Variants in SPART observed in about 807,000 individuals in gnomAD.
The protein encoded by SPART is spartin.
SPART carries 35 observed loss-of-function variants against 58.7 expected under a neutral mutation model. The observed-to-expected ratio is 0.60, with a 90% CI of 0.46 to 0.79. The LOEUF is 0.79. SPART is among the 30% of genes least tolerant of loss of function. The probability of loss-of-function intolerance (pLI) is 0.00; values close to 1 mark genes in which losing one functional copy is unlikely to be tolerated. For missense variants in SPART, 730 were observed against 786.1 expected (o/e 0.93, Z 0.85); for synonymous variants, 284 against 280.7 (o/e 1.01, Z -0.12).
chr13:36,358,289 G>C (rs1885699936), intron 1 of SPART, among the ~76,000 whole-genome samples: 1 of 151,928 alleles, frequency 6.6e-6, no homozygotes, highest in East Asian at 1.9e-4. Flanking sequence ...TGCATGTTTG[G>C]ATTTCTAATT....
Position 36,335,151 on chromosome 13 carries a change from C to A in SPART, c.680G>T (p.Gly227Val), listed in dbSNP as rs1005140203. Reference sequence around the variant, plus strand: ...AGGATTTACAAAAAAAATCTGTACTCCATTTGGTATCAAAATCAATTCATC... The same window carrying A: ...AGGATTTACAAAAAAAATCTGTACTACATTTGGTATCAAAATCAATTCATC... The part of the protein sequence containing the change: ...DADELILIPN[G>V]VQIFFVNPAG... Residue 227 changes from glycine to valine, a missense_variant, in exon 2 of 9, where the codon GGA (glycine) becomes GTA (valine). Gly to Val is a moderately radical substitution (Grantham distance 109). Transcript: ENST00000438666. 1.9e-6 allele frequency: 3 copies of A among 1,614,090 alleles called. No individual in the cohort carries two copies. The highest frequency in any genetic ancestry group is 2.2e-5 in the South Asian group (2 of 91,072).
intron 2 of SPART, among the ~76,000 whole-genome samples, chr13:36,332,315 G>A (rs1883537521): frequency 6.6e-6 from 1 of 152,138 alleles, no homozygotes; most frequent in South Asian, 2.1e-4. Context: ...TGGACAACAT[G>A]GTGAAACCCC....
At position 36,326,623 on chromosome 13, in the gene SPART, T is replaced by C. The variant is rs544290844; in HGVS notation, c.1240A>G (p.Lys414Glu). The C allele has an allele frequency of 1.9e-6, 3 of 1,613,592 alleles. No individual in the cohort carries two copies. Among genetic ancestry groups the C allele is most frequent in the South Asian group, 2.2e-5 (2 of 91,068 alleles). Reference protein sequence around the residue: ...PCEPVPEEKPKELPEWSEKVA... With the variant: ...PCEPVPEEKPEELPEWSEKVA... ...TTTTCACTCCATTCAGGTAATTCTT[T>C]TGGCTTTTCTTCTGGAACTGGCTCA... The change falls in exon 5 of 9, where the codon AAA becomes GAA. Residue 414 changes from lysine (K) to glutamate (E), a missense_variant. By Grantham distance (56) the Lys-to-Glu change is moderately conservative (BLOSUM62 1). Transcript: ENST00000438666.
chr13:36,344,777 A>G (rs1042297951), intron 1 of SPART, among the ~76,000 whole-genome samples: 1 of 152,214 alleles, frequency 6.6e-6, no homozygotes, highest in African/African-American at 2.4e-5. Flanking sequence ...TTTAATTTTC[A>G]AAGTTAAGAA....
rs780011338 is a variant in SPART at position 36,331,537 on chromosome 13, C to T, written c.870G>A (p.Ala290=). ...PDRSPVLKCT[A]GAYMFPDTML... ...TTGTATCAGGAAACATGTAGGCTCC[C>T]GCAGTACATTTCAGAACCGGAGATC... The change falls in exon 3 of 9, where the codon GCG becomes GCA. Residue 290 remains alanine, a synonymous_variant. Transcript: ENST00000438666. 32 of 1,613,606 alleles carry T rather than the reference C, an allele frequency of 2.0e-5. No individual in the cohort carries two copies. The highest frequency in any genetic ancestry group is 1.8e-4 in the South Asian group (16 of 91,076).
At chr13:36,319,029 A>AC (rs1296809710) in intron 5 of SPART, among the ~76,000 whole-genome samples, 2 of 151,994 alleles carry the variant, frequency 1.3e-5, no homozygotes, top group African/African-American at 4.8e-5. Flanking sequence ...TACGGAGGCT[A>AC]CCCACTCCAC....
rs191348758 is a variant in SPART at position 36,323,196 on chromosome 13, T to C, written c.1288+3379A>G. Among the ~76,000 whole-genome samples, 3 of 152,258 alleles carry C rather than the reference T, an allele frequency of 2.0e-5. No individual in the cohort carries two copies. The East Asian group carries it at 5.8e-4, about 29-fold the overall frequency. On this transcript the variant is annotated intron_variant, in intron 5 of 8. Coordinates refer to ENST00000438666, the MANE Select transcript of SPART (RefSeq NM_015087.5). ...TTCCAGAGTCCATCTGTAAATTAAA[T>C]TGGGAAAGACTAGGGAGTTGAGAGG...
Position 36,335,562 on chromosome 13 carries a change from G to A in SPART, c.269C>T (p.Thr90Ile). Reference protein sequence around the residue: ...KMKETLQNVRTRLEILEKGLA... With the variant: ...KMKETLQNVRIRLEILEKGLA... The stretch of plus-strand genomic sequence containing the variant: ...ACCCTTCTCTAGAATTTCCAGCCTG[G>A]TGCGTACATTCTGTAGAGTTTCTTT... The change falls in exon 2 of 9, where the codon ACC becomes ATC. Residue 90 changes from threonine to isoleucine, a missense_variant. Transcript: ENST00000438666. 2 of 1,614,140 alleles carry A rather than the reference G, an allele frequency of 1.2e-6. No individual in the cohort carries two copies. Among genetic ancestry groups the A allele is most frequent in the African/African-American group, 1.3e-5 (1 of 75,022 alleles).
At position 36,324,838 on chromosome 13, in the gene SPART, A is replaced by G. The variant is rs375013125; in HGVS notation, c.1288+1737T>C. Among the ~76,000 whole-genome samples, 32 of 152,248 alleles carry G rather than the reference A, an allele frequency of 2.1e-4. No homozygotes were observed. In the East Asian group the frequency reaches 2.9e-3, roughly 14 times the overall value. On this transcript the variant is annotated intron_variant, in intron 5 of 8. Coordinates refer to ENST00000438666, the MANE Select transcript of SPART (RefSeq NM_015087.5). ...ATAGGATTTGGGTAGATAAAGGAAA[A>G]TTACAGTCAAAGGGGATTTGTTCTC...
intron 8 of SPART, among the ~76,000 whole-genome samples, chr13:36,306,731 C>G (rs866140836): frequency 2.0e-5 from 3 of 147,954 alleles, no homozygotes; most frequent in South Asian, 2.2e-4. Flanking sequence ...ATGTCAGTAA[C>G]AATTCCTATT....
chr13:36,302,243 TATCA>T lies in SPART; in HGVS notation c.*2118_*2121del, dbSNP rs1052630307. ...CAAGTAATATATAATTTTATCTATA[TATCA>T]ATCATTACACAATATAAAAAAAATC... is the stretch of plus-strand genomic sequence containing the variant. On this transcript the variant is annotated 3_prime_UTR_variant, in exon 9 of 9. Transcript: ENST00000438666. 8.9e-5 allele frequency: 13 copies of T among 146,882 alleles called. No individual in the cohort carries two copies. The highest frequency in any genetic ancestry group is 1.4e-4 in the Admixed American group (2 of 14,446). The allele number at this position is 146,882 out of a possible 1,614,324, so 9.1% of individuals were successfully genotyped here.
At chr13:36,368,335 T>A in intron 1 of SPART, 1 of 279,100 alleles carries the variant, frequency 3.6e-6, no homozygotes, top group African/African-American at 2.3e-5. Context: ...AGAAGGACCA[T>A]TAAAAAAGGT....
At position 36,335,056 on chromosome 13, in the gene SPART, C is replaced by T. The variant is rs1044806150; in HGVS notation, c.775G>A (p.Asp259Asn). ...CCGGGAGGACGGTTTAGAACCGTAT[C>T]GAGAGAATTATCCAAAAACCTCACA... is the stretch of plus-strand genomic sequence containing the variant. ...RIVRFLDNSL[D>N]TVLNRPPGFL... Residue 259 changes from aspartate to asparagine, a missense_variant, in exon 2 of 9, where the codon GAT becomes AAT. Physicochemically the swap from Asp to Asn is conservative, Grantham distance 23 (BLOSUM62 1). Transcript: ENST00000438666. The T allele has an allele frequency of 6.8e-6, 11 of 1,613,914 alleles. No homozygotes were observed. Among genetic ancestry groups the T allele is most frequent in the East Asian group, 4.5e-5 (2 of 44,882 alleles).
upstream of SPART, among the ~76,000 whole-genome samples, chr13:36,347,108 T>C (rs536270400): frequency 9.2e-4 from 139 of 151,568 alleles, 1 homozygote; most frequent in African/African-American, 3.3e-3. Context: ...ATTAGTAAAA[T>C]ATTGTAGATG....
At chr13:36,334,842 A>G (rs1321432750) in intron 2 of SPART, among the ~76,000 whole-genome samples, 179 bp downstream of exon 2, 2 of 152,220 alleles carry the variant, frequency 1.3e-5, no homozygotes, top group African/African-American at 4.8e-5. Flanking sequence ...CTTTTTTAAA[A>G]AAAGAAAAAG....
At chr13:36,363,696 G>A (rs1283535185) in intron 1 of SPART, among the ~76,000 whole-genome samples, 2 of 151,938 alleles carry the variant, frequency 1.3e-5, no homozygotes, top group Admixed American at 6.6e-5. Flanking sequence ...TGGCAACACC[G>A]AATCAGCTCT....
chr13:36,364,321 C>G (rs751506269), intron 1 of SPART, among the ~76,000 whole-genome samples: 3 of 152,130 alleles, frequency 2.0e-5, no homozygotes, highest in African/African-American at 4.8e-5. Flanking sequence ...CAAAATTGAA[C>G]CTGTATTCCT....
chr13:36,305,500 T>TCA (rs1411341038), intron 8 of SPART, among the ~76,000 whole-genome samples: 1 of 152,202 alleles, frequency 6.6e-6, no homozygotes, highest in African/African-American at 2.4e-5. Context: ...TTGAGAATAG[T>TCA]ACCTGATATT....
At chr13:36,349,260 C>A (rs1229942342), upstream of SPART, among the ~76,000 whole-genome samples, 1 of 152,106 alleles carries the variant, frequency 6.6e-6, no homozygotes. Flanking sequence ...AAAACTCTGT[C>A]TCAAACAAAC....
Sources: gnomAD v4.1 joint callset for allele counts (sites outside exome capture counted in the v4.1 genomes callset) on GRCh38, gnomAD v4.1.1 for gene constraint, MANE v1.5 for transcripts, NCBI Gene and HGNC (gene_info 2026-07-23, HGNC 2026-07-21) for gene names.